TCF12: variants seen among roughly 807,000 people sequenced by gnomAD.
TCF12 encodes DNA-binding protein HTF4.
In TCF12, 45 loss-of-function variants were observed where a neutral mutation model predicts 86.0. The ratio of observed to expected loss-of-function variants is 0.52; its 90% CI spans 0.41 to 0.67. The LOEUF is 0.67. Ranked by LOEUF, TCF12 falls within the 30% of genes least tolerant of loss-of-function variation. The pLI, the probability that TCF12 is intolerant of heterozygous loss-of-function variation, is 0.00. For synonymous variants in TCF12, 330 were observed against 299.6 expected (o/e 1.10, Z -1.05); for missense variants, 881 against 859.9 (o/e 1.02, Z -0.31).
intron 19 of TCF12, among the ~76,000 whole-genome samples, chr15:57,278,827 C>G (rs2061542875): frequency 6.7e-6 from 1 of 149,028 alleles, no homozygotes; most frequent in South Asian, 2.2e-4. Context: ...CTTTTTCTTT[C>G]TTTCTCTTTC....
chr15:57,183,181 G>T (rs1177665602), intron 6 of TCF12, among the ~76,000 whole-genome samples: 1 of 152,142 alleles, frequency 6.6e-6, no homozygotes, highest in Non-Finnish European at 1.5e-5. Flanking sequence ...AGAGGTTGAA[G>T]AATAATACAA....
At chr15:57,151,889 C>T (rs1344130124) in intron 5 of TCF12, among the ~76,000 whole-genome samples, 8 of 152,178 alleles carry the variant, frequency 5.3e-5, no homozygotes, top group South Asian at 4.1e-4. Context: ...GAACTACCTC[C>T]GTCACAAGCC....
chr15:57,075,758 TTTTCTTTCTTTCTTTC>T (rs762262996), intron 4 of TCF12, among the ~76,000 whole-genome samples: 4 of 91,222 alleles, frequency 4.4e-5, no homozygotes, highest in African/African-American at 1.2e-4. Flanking sequence ...ATGAGGTTTC[TTTTCTTTCTTTCTTTC>T]TTTCTTTCTT....
At chr15:57,226,710 G>A (rs747601005) in intron 8 of TCF12, among the ~76,000 whole-genome samples, 1 of 152,012 alleles carries the variant, frequency 6.6e-6, no homozygotes, top group Admixed American at 6.6e-5. Flanking sequence ...GGTTTTCTTA[G>A]GCCTTGAAGC....
At chr15:57,069,579 A>G (rs1443295275) in intron 4 of TCF12, among the ~76,000 whole-genome samples, 5 of 152,186 alleles carry the variant, frequency 3.3e-5, no homozygotes, top group African/African-American at 4.8e-5. Context: ...TTCCTACATG[A>G]GGAAACTGAA....
chr15:56,942,378 T>G (rs12906025), intron 3 of TCF12, among the ~76,000 whole-genome samples: 109,735 of 152,066 alleles, frequency 0.72, 39,901 homozygotes, highest in East Asian at 0.79. Context: ...CTGACTGTTT[T>G]CATTGACTAT....
intron 12 of TCF12, among the ~76,000 whole-genome samples, chr15:57,235,524 A>G (rs1867641): frequency 0.47 from 70,942 of 151,992 alleles, 17,328 homozygotes; most frequent in Non-Finnish European, 0.54. Flanking sequence ...TTATCTTACA[A>G]GGTATTGATG....
intron 19 of TCF12, chr15:57,278,536 T>A (rs1231425475): frequency 6.4e-6 from 1 of 157,154 alleles, no homozygotes; most frequent in Non-Finnish European, 1.4e-5. Context: ...GCAATCACTG[T>A]AAAAAAAAAA....
At chr15:57,258,339 TA>T (rs1280131525) in intron 16 of TCF12, among the ~76,000 whole-genome samples, 1 of 152,140 alleles carries the variant, frequency 6.6e-6, no homozygotes, top group African/African-American at 2.4e-5. Context: ...CTCTCTGCAA[TA>T]TAAAGTTAGC....
intron 3 of TCF12, among the ~76,000 whole-genome samples, chr15:56,959,367 A>G (rs1190725805): frequency 6.6e-6 from 1 of 152,138 alleles, no homozygotes; most frequent in Non-Finnish European, 1.5e-5. Flanking sequence ...CTTAAACTAG[A>G]TTTTCAGTCA....
intron 6 of TCF12, among the ~76,000 whole-genome samples, chr15:57,176,484 C>G (rs1257825507): frequency 6.6e-6 from 1 of 152,176 alleles, no homozygotes; most frequent in Non-Finnish European, 1.5e-5. Flanking sequence ...TAATAACTAG[C>G]ATGTATCAGT....
At chr15:57,203,422 G>A (rs1317242463) in intron 8 of TCF12, among the ~76,000 whole-genome samples, 2 of 152,102 alleles carry the variant, frequency 1.3e-5, no homozygotes, top group Non-Finnish European at 2.9e-5. Flanking sequence ...GTAGATAATA[G>A]AAGAAGCAAG....
chr15:57,200,223 GAC>G (rs2057472022), intron 8 of TCF12, among the ~76,000 whole-genome samples: 1 of 151,878 alleles, frequency 6.6e-6, no homozygotes, highest in South Asian at 2.1e-4. Flanking sequence ...AAACCTTAAA[GAC>G]AGATATTTTT....
intron 17 of TCF12, among the ~76,000 whole-genome samples, chr15:57,262,828 G>A (rs2060649706): frequency 6.6e-6 from 1 of 152,168 alleles, no homozygotes; most frequent in South Asian, 2.1e-4. Context: ...AAAATACATA[G>A]TTTCTCATCC....
intron 5 of TCF12, among the ~76,000 whole-genome samples, chr15:57,130,684 T>C (rs1358921668): frequency 6.6e-6 from 1 of 152,158 alleles, no homozygotes; most frequent in Non-Finnish European, 1.5e-5. Context: ...AAGAGATTCT[T>C]TTTTTTCTGG....
chr15:57,196,242 C>T, intron 7 of TCF12, among the ~76,000 whole-genome samples: 1 of 151,686 alleles, frequency 6.6e-6, no homozygotes, highest in East Asian at 1.9e-4. Flanking sequence ...TTATTATTCC[C>T]TGAACAATAC....
chr15:56,927,595 A>T (rs2060071474), intron 3 of TCF12, among the ~76,000 whole-genome samples: 1 of 152,126 alleles, frequency 6.6e-6, no homozygotes, highest in Admixed American at 6.5e-5. Context: ...CTTGACCTTT[A>T]TGGATTTTTG....
intron 3 of TCF12, among the ~76,000 whole-genome samples, chr15:56,999,166 C>A (rs2063879189): frequency 6.6e-6 from 1 of 151,428 alleles, no homozygotes; most frequent in African/African-American, 2.4e-5. Context: ...CCACTGCACT[C>A]CAGCCTGGGT....
chr15:56,926,036 G>A (rs531701559), intron 3 of TCF12, among the ~76,000 whole-genome samples: 8 of 152,226 alleles, frequency 5.3e-5, no homozygotes, highest in Non-Finnish European at 1.0e-4. Flanking sequence ...CATTTCGTTG[G>A]CGTGGTGGCT....
Sources: allele counts gnomAD v4.1 joint callset (sites outside exome capture counted in the v4.1 genomes callset), GRCh38; gene constraint gnomAD v4.1.1; transcripts MANE v1.5; gene names NCBI Gene and HGNC (gene_info 2026-07-23, HGNC 2026-07-21).